ARSJ: variants seen among roughly 807,000 people sequenced by gnomAD.
ARSJ encodes arylsulfatase J.
A neutral mutation model predicts 35.9 loss-of-function variants in ARSJ; 26 were observed. The ratio of observed to expected loss-of-function variants is 0.72; its 90% CI spans 0.53 to 1.00. ARSJ has a LOEUF of 1.00. ARSJ is among the 50% of genes least tolerant of loss of function. The pLI is 0.00. For synonymous variants in ARSJ, 294 were observed against 267.6 expected (o/e 1.10, Z -0.96); for missense variants, 667 against 723.6 (o/e 0.92, Z 0.90).
chr4:113,924,313 T>A (rs1028673375), intron 1 of ARSJ, among the ~76,000 whole-genome samples: 2 of 151,598 alleles, frequency 1.3e-5, no homozygotes, highest in African/African-American at 4.8e-5. Flanking sequence ...CTCCTTCTCA[T>A]GTTTTTCTGC....
intron 1 of ARSJ, among the ~76,000 whole-genome samples, chr4:113,905,344 C>A (rs1293949564): frequency 6.6e-6 from 1 of 152,054 alleles, no homozygotes; most frequent in Non-Finnish European, 1.5e-5. Context: ...ACCTGAAAGG[C>A]CAACATGTTA....
chr4:113,914,608 A>G (rs990484603), intron 1 of ARSJ, among the ~76,000 whole-genome samples: 4 of 152,250 alleles, frequency 2.6e-5, no homozygotes, highest in African/African-American at 7.2e-5. Context: ...AAAGTATTTC[A>G]TGTCAAATTC....
intron 1 of ARSJ, among the ~76,000 whole-genome samples, chr4:113,950,847 A>T (rs1725822229): frequency 6.6e-6 from 1 of 152,190 alleles, no homozygotes; most frequent in South Asian, 2.1e-4. Flanking sequence ...GTTTGTTATG[A>T]GGCAGCACCC....
chr4:113,949,151 G>C (rs1725692322), intron 1 of ARSJ, among the ~76,000 whole-genome samples: 1 of 151,830 alleles, frequency 6.6e-6, no homozygotes, highest in Non-Finnish European at 1.5e-5. Flanking sequence ...GAGAACATAT[G>C]GGCACAGGGA....
intron 1 of ARSJ, among the ~76,000 whole-genome samples, chr4:113,977,557 C>T (rs1190799398): frequency 2.6e-5 from 4 of 152,206 alleles, no homozygotes; most frequent in Non-Finnish European, 5.9e-5. Flanking sequence ...CTCTGTCCAG[C>T]TTAACCCCTG....
chr4:113,928,763 G>C (rs1171934875), intron 1 of ARSJ, among the ~76,000 whole-genome samples: 1 of 152,146 alleles, frequency 6.6e-6, no homozygotes, highest in East Asian at 1.9e-4. Flanking sequence ...CAATTACAGG[G>C]CTCTTCAAAG....
intron 1 of ARSJ, among the ~76,000 whole-genome samples, chr4:113,948,221 T>C (rs1051200875): frequency 5.9e-5 from 9 of 152,064 alleles, no homozygotes; most frequent in African/African-American, 1.7e-4. Context: ...TTGTTTATTA[T>C]ATTAGGAAGT....
In ARSJ at chr4:113,978,580, A is replaced by C; in HGVS notation, c.255T>G (p.Asp85Glu). The change falls in exon 1 of 2, where the codon GAT becomes GAG. Residue 85 changes from aspartate to glutamate, a missense_variant. Transcript: ENST00000315366. ...QPHLIFILAD[D>E]QGFRDVGYHG... The stretch of plus-strand genomic sequence containing the variant: ...GGTAACCCACATCTCTAAATCCCTG[A>C]TCATCCGCTAGGATGAAAATGAGAT... 6.2e-7 allele frequency: 1 copy of C among 1,614,226 alleles called. No homozygotes were observed. Among genetic ancestry groups the C allele is most frequent in the Non-Finnish European group, 8.5e-7 (1 of 1,180,044 alleles).
At chr4:113,921,922 T>A (rs4434331) in intron 1 of ARSJ, among the ~76,000 whole-genome samples, 84,788 of 151,920 alleles carry the variant, frequency 0.56, 24,046 homozygotes, top group East Asian at 0.8. Flanking sequence ...AATAGTTTAG[T>A]CTATTTGTAA....
intron 1 of ARSJ, chr4:113,943,400 C>T (rs1725279936): frequency 1.3e-5 from 2 of 152,108 alleles, no homozygotes; most frequent in African/African-American, 2.4e-5. Context: ...AGTTTGGATT[C>T]CCCAACTGAG....
intron 1 of ARSJ, among the ~76,000 whole-genome samples, chr4:113,919,151 A>T (rs1456670178): frequency 6.6e-6 from 1 of 152,136 alleles, no homozygotes; most frequent in Non-Finnish European, 1.5e-5. Context: ...AAGCTGAGAG[A>T]TGTGTAGTCC....
chr4:113,975,063 A>C (rs1462802313), intron 1 of ARSJ, among the ~76,000 whole-genome samples: 1 of 152,140 alleles, frequency 6.6e-6, no homozygotes, highest in Non-Finnish European at 1.5e-5. Flanking sequence ...ATAGAAGAGT[A>C]CCCTCTCTGT....
chr4:113,952,649 T>G (rs1725934371), intron 1 of ARSJ, among the ~76,000 whole-genome samples: 1 of 152,056 alleles, frequency 6.6e-6, no homozygotes, highest in African/African-American at 2.4e-5. Flanking sequence ...AATAGAGGGC[T>G]GAGAACTAGG....
chr4:113,931,830 A>T (rs899912212), intron 1 of ARSJ, among the ~76,000 whole-genome samples: 4 of 152,112 alleles, frequency 2.6e-5, no homozygotes, highest in Non-Finnish European at 4.4e-5. Flanking sequence ...TTAATACCTG[A>T]ATCAAAATAA....
At chr4:113,950,637 C>G (rs977561344) in intron 1 of ARSJ, among the ~76,000 whole-genome samples, 3 of 151,924 alleles carry the variant, frequency 2.0e-5, no homozygotes, top group African/African-American at 7.2e-5. Flanking sequence ...CTTCAAAAGG[C>G]CTGCAAATTC....
chr4:113,903,815 C>T, intron 1 of ARSJ, 140 bp from the exon 2 acceptor site: 1 of 1,199,682 alleles, frequency 8.3e-7, no homozygotes, highest in Non-Finnish European at 1.1e-6. Flanking sequence ...ATGACCAATT[C>T]AGCATTTCTG....
At position 113,978,771 on chromosome 4, in the gene ARSJ, C is replaced by T. The variant is rs377189260; in HGVS notation, c.64G>A (p.Gly22Arg). ...PPSPQACVCPGKMLAMGALAG... is the reference protein window; with the variant it reads ...PPSPQACVCPRKMLAMGALAG... ...AGCGCCCCCATTGCTAGCATCTTTC[C>T]AGGACAGACACAGGCCTGTGGAGAA... The change falls in exon 1 of 2, where the codon GGA becomes AGA. Residue 22 changes from glycine (G) to arginine (R), a missense_variant. By Grantham distance (125) the Gly-to-Arg change is moderately radical. Transcript: ENST00000315366. The T allele has an allele frequency of 1.2e-6, 2 of 1,614,234 alleles. No individual in the cohort carries two copies. Among genetic ancestry groups the T allele is most frequent in the Non-Finnish European group, 1.7e-6 (2 of 1,180,018 alleles).
At chr4:113,957,521 A>C (rs533796490) in intron 1 of ARSJ, among the ~76,000 whole-genome samples, 1 of 152,212 alleles carries the variant, frequency 6.6e-6, no homozygotes, top group African/African-American at 2.4e-5. Context: ...CTTTTGTTAC[A>C]TTGAGTGGGA....
intron 1 of ARSJ, among the ~76,000 whole-genome samples, chr4:113,957,343 T>G (rs932185353): frequency 9.9e-5 from 15 of 152,078 alleles, no homozygotes; most frequent in African/African-American, 3.6e-4. Flanking sequence ...TTTAAAAAAC[T>G]TAATTTCAGA....
Sources: allele counts gnomAD v4.1 joint callset (sites outside exome capture counted in the v4.1 genomes callset), GRCh38; gene constraint gnomAD v4.1.1; transcripts MANE v1.5; gene names NCBI Gene and HGNC (gene_info 2026-07-23, HGNC 2026-07-21).